PGS1: variants seen among roughly 807,000 people sequenced by gnomAD.
PGS1 encodes CDP-diacylglycerol--glycerol-3-phosphate 3-phosphatidyltransferase, mitochondrial.
A neutral mutation model predicts 58.3 loss-of-function variants in PGS1; 44 were observed. The observed-to-expected ratio is 0.75, with a 90% CI of 0.59 to 0.97. The LOEUF (loss-of-function observed/expected upper bound fraction) is 0.97. PGS1 is among the 50% of genes least tolerant of loss of function. The probability of loss-of-function intolerance (pLI) is 0.00; values close to 1 mark genes in which losing one functional copy is unlikely to be tolerated. For synonymous variants in PGS1, 330 were observed against 311.0 expected, an observed-to-expected ratio of 1.06 and a Z score of -0.64; for missense variants, 684 against 731.1, an observed-to-expected ratio of 0.94 and a Z score of 0.74.
chr17:78,402,223 G>T (rs4969142), intron 6 of PGS1, among the ~76,000 whole-genome samples: 1 of 152,076 alleles, frequency 6.6e-6, no homozygotes, highest in South Asian at 2.1e-4. Context: ...CCTGCCCCCA[G>T]CTCAGACCAT....
chr17:78,420,167 G>A (rs2146349186), intron 9 of PGS1: 1 of 1,001,340 alleles, frequency 1.0e-6, no homozygotes, highest in African/African-American at 1.7e-5. Context: ...CCAGACCGTG[G>A]GCTGCTGCCT....
At chr17:78,381,475 T>G (rs1043184141) in intron 1 of PGS1, among the ~76,000 whole-genome samples, 5 of 152,180 alleles carry the variant, frequency 3.3e-5, no homozygotes, top group South Asian at 2.1e-4. Context: ...CTTTTCTGAT[T>G]CGTTGTGGCC....
intron 1 of PGS1, among the ~76,000 whole-genome samples, chr17:78,383,672 C>A (rs1216428527): frequency 6.6e-6 from 1 of 152,212 alleles, no homozygotes; most frequent in Non-Finnish European, 1.5e-5. Flanking sequence ...TTTAGTATAA[C>A]CATCTCTTCG....
intron 1 of PGS1, among the ~76,000 whole-genome samples, chr17:78,379,964 T>G (rs573746096): frequency 1.3e-5 from 2 of 150,656 alleles, no homozygotes; most frequent in African/African-American, 4.9e-5. Context: ...CCTTCCAGGT[T>G]CAAGCGATTC....
At chr17:78,411,633 C>G (rs1007070505) in intron 7 of PGS1, among the ~76,000 whole-genome samples, 7 of 152,220 alleles carry the variant, frequency 4.6e-5, no homozygotes, top group Non-Finnish European at 8.8e-5. Flanking sequence ...GGCTATCGTT[C>G]CTGCTGCACG....
In PGS1 at chr17:78,399,549, C is replaced by A; in HGVS notation, c.701+12C>A. 1.2e-6 allele frequency: 2 copies of A among 1,613,526 alleles called. No individual in the cohort carries two copies. Among genetic ancestry groups the A allele is most frequent in the Non-Finnish European group, 1.7e-6 (2 of 1,179,544 alleles). The stretch of plus-strand genomic sequence containing the variant: ...GTCATCTTGAGCGGGTGAGTGCTTC[C>A]CACCGTCAGTGCTTTTGCCCTCCTG... On this transcript the variant is annotated intron_variant, in intron 5 of 9. Transcript: ENST00000262764.
intron 9 of PGS1, among the ~76,000 whole-genome samples, chr17:78,422,510 C>T (rs914360596): frequency 6.6e-6 from 1 of 151,900 alleles, no homozygotes; most frequent in Admixed American, 6.5e-5. Context: ...CCTTTTTTCC[C>T]CCTTTTGAGA....
chr17:78,410,198 C>CG (rs1567988607), intron 7 of PGS1, among the ~76,000 whole-genome samples: 1 of 152,086 alleles, frequency 6.6e-6, no homozygotes, highest in Non-Finnish European at 1.5e-5. Context: ...GAGGCAGAGG[C>CG]GGGTGGATCA....
chr17:78,378,677 G>GGCGGCAGCT lies in PGS1; in HGVS notation c.18_26dup (p.Ala7_Ala9dup), dbSNP rs755703703. 6 of 1,533,182 alleles carry GGCGGCAGCT rather than the reference G, an allele frequency of 3.9e-6. No individual in the cohort carries two copies. In the Admixed American group the frequency reaches 5.9e-5, roughly 15 times the overall value. The allele number at this position is 1,533,182 out of a possible 1,614,324, so 95.0% of individuals were successfully genotyped here. ...AGCGGCGAGTCTCCATGGCGGTGGC[G>GGCGGCAGCT]GCGGCAGCTGCGGCGGGACCCGTGT... On this transcript the variant is annotated inframe_insertion, in exon 1 of 10. Transcript: ENST00000262764.
intron 4 of PGS1, 106 bp downstream of exon 4, chr17:78,398,457 G>A: frequency 1.3e-6 from 1 of 797,620 alleles, no homozygotes; most frequent in South Asian, 1.5e-5. Flanking sequence ...AAGGCTATTT[G>A]AAGATCATCC....
chr17:78,407,105 G>C (rs555360265), intron 7 of PGS1, among the ~76,000 whole-genome samples: 170 of 152,308 alleles, frequency 1.1e-3, no homozygotes, highest in Non-Finnish European at 1.9e-3. Context: ...CAACCCAGGA[G>C]TGCTGGATGA....
chr17:78,392,627 G>A lies in PGS1; in HGVS notation c.295G>A (p.Val99Met), dbSNP rs752824213. 5.0e-6 allele frequency: 8 copies of A among 1,614,106 alleles called. No homozygotes were observed. The highest frequency in any genetic ancestry group is 6.8e-6 in the Non-Finnish European group (8 of 1,180,010). The change falls in exon 2 of 10, where the codon GTG becomes ATG. Residue 99 changes from valine to methionine, a missense_variant. Coordinates refer to ENST00000262764, the MANE Select transcript of PGS1 (RefSeq NM_024419.5). The stretch of plus-strand genomic sequence containing the variant: ...TGGAGTCTCCAGTTCTCACGTTAGG[G>A]TGCTTTCTTCCCCGGCAGAGTTTTT... ...EFGVSSSHVRVLSSPAEFFEL... is the reference protein window; with the variant it reads ...EFGVSSSHVRMLSSPAEFFEL...
intron 9 of PGS1, chr17:78,423,638 C>T (rs2086176890): frequency 2.3e-6 from 1 of 438,260 alleles, no homozygotes; most frequent in Admixed American, 3.5e-5. Flanking sequence ...TGGGGCCTTT[C>T]CCCAAAGCCT....
intron 9 of PGS1, chr17:78,420,269 A>G: frequency 1.0e-6 from 1 of 972,978 alleles, no homozygotes; most frequent in Non-Finnish European, 1.2e-6. Context: ...CTGCCCACCC[A>G]GGAGGGGCCT....
rs560204806 is a variant in PGS1, at chr17:78,387,771, T to G, written c.144-4705T>G. ...CACGCCACCATGCCTGGCTAACTTT[T>G]AATTTTTCTAGAGAGGGGGTTTCTC... is the stretch of plus-strand genomic sequence containing the variant. On this transcript the variant is annotated intron_variant, in intron 1 of 9. Coordinates refer to ENST00000262764, the MANE Select transcript of PGS1 (RefSeq NM_024419.5). Among the ~76,000 whole-genome samples, 19 of 152,140 alleles carry G rather than the reference T, an allele frequency of 1.2e-4. No individual in the cohort carries two copies. The South Asian group carries it at 3.9e-3, about 32-fold the overall frequency.
At chr17:78,415,751 C>CTA (rs2085127458) in intron 8 of PGS1, among the ~76,000 whole-genome samples, 1 of 152,234 alleles carries the variant, frequency 6.6e-6, no homozygotes, top group Non-Finnish European at 1.5e-5. Context: ...GGATGACCCT[C>CTA]TATTTGATGA....
chr17:78,407,732 G>T (rs1211400256), intron 7 of PGS1, among the ~76,000 whole-genome samples: 2 of 152,264 alleles, frequency 1.3e-5, no homozygotes, highest in Non-Finnish European at 2.9e-5. Flanking sequence ...GCACTCTGCT[G>T]TCAGCACAGC....
chr17:78,387,742 GGT>G, intron 1 of PGS1, among the ~76,000 whole-genome samples: 1 of 151,996 alleles, frequency 6.6e-6, no homozygotes, highest in Non-Finnish European at 1.5e-5. Flanking sequence ...TGGGACTACA[GGT>G]GCACGCCACC....
intron 1 of PGS1, among the ~76,000 whole-genome samples, chr17:78,382,284 C>G (rs2082086867): frequency 6.6e-6 from 1 of 152,074 alleles, no homozygotes; most frequent in Admixed American, 6.6e-5. Flanking sequence ...GGGCCAGAGA[C>G]CCAGGAAGAC....
Sources: gnomAD v4.1 joint callset for allele counts (sites outside exome capture counted in the v4.1 genomes callset) on GRCh38, gnomAD v4.1.1 for gene constraint, MANE v1.5 for transcripts, NCBI Gene and HGNC (gene_info 2026-07-23, HGNC 2026-07-21) for gene names.